CCDC149: variants seen among roughly 807,000 people sequenced by gnomAD.
CCDC149 encodes coiled-coil domain containing 149.
CCDC149 carries 45 observed loss-of-function variants against 59.9 expected under a neutral mutation model. That is an observed-to-expected ratio of 0.75 (90% confidence interval 0.59 to 0.96). The LOEUF (loss-of-function observed/expected upper bound fraction) is 0.96, where lower values mean the gene tolerates loss of function less well. CCDC149 is among the 40% of genes least tolerant of loss of function. The pLI is 0.00. For synonymous variants in CCDC149, 245 were observed against 260.6 expected (o/e 0.94, Z 0.58); for missense variants, 584 against 664.7 (o/e 0.88, Z 1.33).
intron 12 of CCDC149, among the ~76,000 whole-genome samples, chr4:24,812,974 C>A (rs1448201217): frequency 6.6e-6 from 1 of 152,126 alleles, no homozygotes; most frequent in Non-Finnish European, 1.5e-5. Flanking sequence ...ACAGCCAAAC[C>A]ATATCACCCT....
intron 10 of CCDC149, among the ~76,000 whole-genome samples, chr4:24,821,556 C>T (rs888699825): frequency 6.6e-6 from 1 of 152,166 alleles, no homozygotes; most frequent in African/African-American, 2.4e-5. Context: ...CCTAAGGCAG[C>T]GATTCAAGTT....
chr4:24,839,024 TCTCTCA>T (rs758752907), intron 4 of CCDC149, among the ~76,000 whole-genome samples: 24 of 107,432 alleles, frequency 2.2e-4, no homozygotes, highest in African/African-American at 7.4e-4. Context: ...TCTCTCTCTC[TCTCTCA>T]CACACACACA....
intron 1 of CCDC149, among the ~76,000 whole-genome samples, chr4:24,949,694 C>T (rs1054512819): frequency 3.3e-5 from 5 of 152,140 alleles, no homozygotes; most frequent in African/African-American, 4.8e-5. Flanking sequence ...ATTTCTCATC[C>T]ACAGCAGCAC....
chr4:24,898,280 G>T (rs11930891), intron 1 of CCDC149, among the ~76,000 whole-genome samples: 1 of 152,054 alleles, frequency 6.6e-6, no homozygotes, highest in Non-Finnish European at 1.5e-5. Flanking sequence ...CATCTTAACC[G>T]AGAGACACAG....
intron 1 of CCDC149, among the ~76,000 whole-genome samples, chr4:24,948,709 A>G (rs1235177175): frequency 6.6e-6 from 1 of 152,134 alleles, no homozygotes; most frequent in Non-Finnish European, 1.5e-5. Context: ...GGGTTCCAGA[A>G]TCATCCGTGA....
intron 1 of CCDC149, among the ~76,000 whole-genome samples, chr4:24,945,650 C>A (rs7669927): frequency 0.1 from 14,732 of 141,610 alleles, 1,324 homozygotes; most frequent in East Asian, 0.29. Context: ...TAGTTGAAGT[C>A]TTGTTCTATC....
intron 2 of CCDC149, among the ~76,000 whole-genome samples, 191 bp downstream of exon 2, chr4:24,876,345 A>C (rs943526270): frequency 3.3e-5 from 5 of 150,906 alleles, no homozygotes; most frequent in African/African-American, 1.2e-4. Flanking sequence ...ACACACAGAG[A>C]GAGAGAGAGA....
chr4:24,819,848 G>A lies in CCDC149; in HGVS notation c.1192+11C>T. On this transcript the variant is annotated intron_variant, in intron 12 of 12. Coordinates refer to ENST00000635206, the MANE Select transcript of CCDC149 (RefSeq NM_001330643.2). ...GTCCAGGTAAAGATGGAGAAATCGA[G>A]GCGTGCTTACCATCCTTGGGATCTG... 1 of 1,539,170 alleles carries A rather than the reference G, an allele frequency of 6.5e-7. No individual in the cohort carries two copies. The highest frequency in any genetic ancestry group is 1.2e-5 in the South Asian group (1 of 83,820).
rs563213479 is a variant in CCDC149, at chr4:24,978,938, A to G, written c.-65+1131T>C. On this transcript the variant is annotated intron_variant, in intron 1 of 12. Coordinates refer to the CCDC149 transcript ENST00000389609. ...CCAACACTCATGGCTCCCTTCTGGA[A>G]GCGGTGCACTTTGTTCTTACCCTGA... 3.3e-5 allele frequency among the ~76,000 whole-genome samples: 5 copies of G among 152,120 alleles called. No homozygotes were observed. In the South Asian group the frequency reaches 1.0e-3, roughly 32 times the overall value.
intron 1 of CCDC149, among the ~76,000 whole-genome samples, chr4:24,936,242 G>C (rs1484670264): frequency 6.6e-6 from 1 of 152,038 alleles, no homozygotes; most frequent in Admixed American, 6.6e-5. Flanking sequence ...TCAGTGGGGG[G>C]TATGAATAAG....
chr4:24,876,298 C>CGT (rs1719424377), intron 2 of CCDC149, among the ~76,000 whole-genome samples: 2 of 67,092 alleles, frequency 3.0e-5, no homozygotes, highest in Non-Finnish European at 6.1e-5. Flanking sequence ...CACGTACACA[C>CGT]ACACACACAC....
At chr4:24,972,323 T>TTTTCG in intron 1 of CCDC149, among the ~76,000 whole-genome samples, 1 of 151,662 alleles carries the variant, frequency 6.6e-6, no homozygotes, top group Non-Finnish European at 1.5e-5. Flanking sequence ...TTTTCTTTTC[T>TTTTCG]TTTTTGAGAC....
intron 1 of CCDC149, among the ~76,000 whole-genome samples, chr4:24,903,660 T>C (rs1031174930): frequency 2.6e-5 from 4 of 152,300 alleles, no homozygotes; most frequent in African/African-American, 9.6e-5. Context: ...TACACAGTCA[T>C]GTAACCATCA....
Position 24,837,172 on chromosome 4 carries a change from A to G in CCDC149, c.662+56T>C. The G allele has an allele frequency of 6.5e-7, 1 of 1,531,262 alleles. No individual in the cohort carries two copies. The highest frequency in any genetic ancestry group is 8.9e-7 in the Non-Finnish European group (1 of 1,119,948). The allele number at this position is 1,531,262 out of a possible 1,614,324, so 94.9% of individuals were successfully genotyped here. On this transcript the variant is annotated intron_variant, in intron 6 of 12. Transcript: ENST00000635206. This position sits in a 1 kb window ranked among gnomAD's most constrained non-coding sequence, Gnocchi z 4.3. ...GGGCTGCAAATAACTCCCAGCCTGC[A>G]GGCCTGTGCAGAGCCAGCCTTCCTC...
chr4:24,916,787 G>GGTGTGTGTGTGTGTGT (rs55857592), upstream of CCDC149, among the ~76,000 whole-genome samples: 459 of 142,008 alleles, frequency 3.2e-3, 3 homozygotes, highest in East Asian at 6.9e-3. Context: ...GGTTTATAAT[G>GGTGTGTGTGTGTGTGT]GTGTGTGTGT....
chr4:24,961,963 A>T (rs1380888621), intron 1 of CCDC149, among the ~76,000 whole-genome samples: 1 of 151,452 alleles, frequency 6.6e-6, no homozygotes, highest in Admixed American at 6.6e-5. Context: ...GACAAATGGG[A>T]TCTAATTCAA....
At chr4:24,925,505 T>A (rs1478653542) in intron 1 of CCDC149, among the ~76,000 whole-genome samples, 1 of 152,228 alleles carries the variant, frequency 6.6e-6, no homozygotes, top group Non-Finnish European at 1.5e-5. Flanking sequence ...TGCGGTGTTT[T>A]GTTTCGTTTT....
At chr4:24,913,420 A>ATATT (rs777369564), upstream of CCDC149, among the ~76,000 whole-genome samples, 5 of 152,230 alleles carry the variant, frequency 3.3e-5, no homozygotes, top group Non-Finnish European at 5.9e-5. Flanking sequence ...TGCTCTACAT[A>ATATT]TATTTATTGG....
chr4:24,973,760 T>C (rs1234289491), intron 1 of CCDC149, among the ~76,000 whole-genome samples: 1 of 152,264 alleles, frequency 6.6e-6, no homozygotes, highest in South Asian at 2.1e-4. Flanking sequence ...CTGAGTTTTG[T>C]TGGTTACAAC....
Sources: gnomAD v4.1 joint callset for allele counts (sites outside exome capture counted in the v4.1 genomes callset) on GRCh38, gnomAD v4.1.1 for gene constraint, Gnocchi (gnomAD v3.1) non-coding constraint, MANE v1.5 for transcripts, NCBI Gene and HGNC (gene_info 2026-07-23, HGNC 2026-07-21) for gene names.